The following LACRT variants were observed in gnomAD, a reference collection of about 807,000 sequenced individuals.
LACRT encodes the protein lacritin.
A neutral mutation model predicts 14.5 loss-of-function variants in LACRT; 14 were observed. The ratio of observed to expected loss-of-function variants is 0.96; its 90% confidence interval spans 0.64 to 1.51. LACRT has a LOEUF of 1.51. Ranked by LOEUF, LACRT falls within the 40% of genes most tolerant of loss-of-function variation. The probability of loss-of-function intolerance (pLI) is 0.00; values close to 1 mark genes in which losing one functional copy is unlikely to be tolerated. For synonymous variants in LACRT, 70 were observed against 63.5 expected (o/e 1.10, Z -0.48); for missense variants, 156 against 161.8 (o/e 0.96, Z 0.19).
Position 54,632,015 on chromosome 12 carries a change from G to A in LACRT, c.254-176C>T, listed in dbSNP as rs898393412. ...GGCTCCAGCACTTCTCTCATAGGAA[G>A]TTGTGTGAGCCAGGACAGAAACCAT... On this transcript the variant is annotated intron_variant, in intron 3 of 4. Coordinates refer to ENST00000257867, the MANE Select transcript of LACRT (RefSeq NM_033277.2). 4.5e-6 allele frequency: 3 copies of A among 669,174 alleles called. No individual in the cohort carries two copies. The Admixed American group carries it at 8.7e-5, about 19-fold the overall frequency. The allele number at this position is 669,174 out of a possible 1,614,324, so 41.5% of individuals were successfully genotyped here. A position where few individuals can be genotyped will look rare whatever the true frequency, so the allele number is the denominator to read the frequency against.
At position 54,634,068 on chromosome 12, in the gene LACRT, C is replaced by T. The variant is rs74089714; in HGVS notation, c.58+716G>A. Among the ~76,000 whole-genome samples, 1,313 of 152,166 alleles carry T rather than the reference C, an allele frequency of 8.6e-3. 25 individuals carry two copies. Among genetic ancestry groups the T allele is most frequent in the African/African-American group, 0.029 (1,222 of 41,518 alleles). On this transcript the variant is annotated intron_variant, in intron 1 of 4. Transcript: ENST00000257867. ...TGCTTCTGTGGATCAAAAAAGGCAT[C>T]CCAGCAGGGCACGGTGGCTCACGCC...
At chr12:54,633,850 G>A (rs984376377) in intron 1 of LACRT, among the ~76,000 whole-genome samples, 5 of 152,172 alleles carry the variant, frequency 3.3e-5, no homozygotes, top group African/African-American at 1.2e-4. Flanking sequence ...GATTTGTTCC[G>A]CATGTGCATG....
Position 54,631,722 on chromosome 12 carries a change from C to A in LACRT, c.355+16G>T. ...TATTCTCATTCCCACAAAGCCTTGCCTTGGGATGCACTCACTTTCGATGAA... is the reference window on the plus strand; with the variant it reads ...TATTCTCATTCCCACAAAGCCTTGCATTGGGATGCACTCACTTTCGATGAA... On this transcript the variant is annotated intron_variant, in intron 4 of 4. Transcript: ENST00000257867. The A allele has an allele frequency of 6.3e-7, 1 of 1,588,274 alleles. No individual in the cohort carries two copies. The highest frequency in any genetic ancestry group is 8.6e-7 in the Non-Finnish European group (1 of 1,156,406).
Position 54,630,850 on chromosome 12 carries a change from A to G in LACRT, c.*42T>C. 1 of 1,427,844 alleles carries G rather than the reference A, an allele frequency of 7.0e-7. No individual in the cohort carries two copies. The highest frequency in any genetic ancestry group is 9.9e-7 in the Non-Finnish European group (1 of 1,010,506). 88.4% of individuals were successfully genotyped at this position (1,427,844 alleles called of 1,614,324 possible). A position where few individuals can be genotyped will look rare whatever the true frequency, so the allele number is the denominator to read the frequency against. The stretch of plus-strand genomic sequence containing the variant: ...TTTAATAGCTCTGGGCTACAAGGGT[A>G]TTTAAGGCTTTAAGTCCAATGATCC... On this transcript the variant is annotated 3_prime_UTR_variant, in exon 5 of 5. Transcript: ENST00000257867.
At chr12:54,634,080 C>T (rs1019063933) in intron 1 of LACRT, among the ~76,000 whole-genome samples, 6 of 152,038 alleles carry the variant, frequency 3.9e-5, no homozygotes, top group South Asian at 2.1e-4. Flanking sequence ...CAGCAGGGCA[C>T]GGTGGCTCAC....
At chr12:54,633,951 G>A (rs569890878) in intron 1 of LACRT, among the ~76,000 whole-genome samples, 3 of 152,226 alleles carry the variant, frequency 2.0e-5, no homozygotes, top group Admixed American at 1.3e-4. Flanking sequence ...GGGGGAAGGG[G>A]CCAGGGAGAG....
At chr12:54,632,184 G>C (rs1178395808) in intron 3 of LACRT, 57 bp downstream of exon 3, 59 of 1,597,364 alleles carry the variant, frequency 3.7e-5, no homozygotes, top group Non-Finnish European at 4.8e-5. Context: ...GTGTGATGTG[G>C]GCCTGCAGCC....
intron 1 of LACRT, among the ~76,000 whole-genome samples, chr12:54,634,128 G>A (rs930006408): frequency 6.6e-5 from 10 of 152,038 alleles, no homozygotes; most frequent in Non-Finnish European, 1.2e-4. Context: ...CAAGGCAGTC[G>A]GATCACCTGA....
At chr12:54,632,052 G>C in intron 3 of LACRT, 189 bp downstream of exon 3, 1 of 697,646 alleles carries the variant, frequency 1.4e-6, no homozygotes, top group Non-Finnish European at 2.4e-6. Context: ...TATTGTGCAG[G>C]CTGCAACATC....
Position 54,632,401 on chromosome 12 carries a change from T to C in LACRT, c.113-20A>G. 1.2e-6 allele frequency: 2 copies of C among 1,612,358 alleles called. No homozygotes were observed. The highest frequency in any genetic ancestry group is 1.7e-6 in the Non-Finnish European group (2 of 1,179,058). On this transcript the variant is annotated intron_variant, in intron 2 of 4. Transcript: ENST00000257867. The stretch of plus-strand genomic sequence containing the variant: ...GCTTAGCTGTGAATGCACAAATTGA[T>C]GGATTTTAGCAAAGTGAAAGTGTTT...
chr12:54,630,819 T>C lies in LACRT; in HGVS notation c.*73A>G, dbSNP rs1958147299. On this transcript the variant is annotated 3_prime_UTR_variant, in exon 5 of 5. Transcript: ENST00000257867. The stretch of plus-strand genomic sequence containing the variant: ...CACAGGCACACAGCAAGTTGGATGC[T>C]TTCGTTTTAATAGCTCTGGGCTACA... The C allele has an allele frequency of 2.5e-6, 3 of 1,209,188 alleles. No individual in the cohort carries two copies. Among genetic ancestry groups the C allele is most frequent in the Non-Finnish European group, 3.7e-6 (3 of 816,488 alleles). The allele number at this position is 1,209,188 out of a possible 1,614,324, so 74.9% of individuals were successfully genotyped here.
rs751524176 is a variant in LACRT at position 54,634,810 on chromosome 12, G to A, written c.32C>T (p.Ala11Val). 1.1e-4 allele frequency: 183 copies of A among 1,613,944 alleles called. No individual in the cohort carries two copies. The highest frequency in any genetic ancestry group is 5.1e-4 in the South Asian group (46 of 91,066). MKFTTLLFLA[A>V]VAGALVYAED... The stretch of plus-strand genomic sequence containing the variant: ...AGCATAGACCAGGGCCCCTGCTACA[G>A]CTGCCAAGAAGAGGAGAGTGGTAAA... Residue 11 changes from alanine (A) to valine (V), a missense_variant, in exon 1 of 5, where the codon GCT (alanine) becomes GTT (valine). Transcript: ENST00000257867.
rs1399650853 is a variant in LACRT at position 54,631,733 on chromosome 12, C to T, written c.355+5G>A. ...CCACAAAGCCTTGCCTTGGGATGCA[C>T]TCACTTTCGATGAATTGTTTTCCAC... On this transcript the variant is annotated splice_donor_5th_base_variant and intron_variant, in intron 4 of 4. Transcript: ENST00000257867. 6.2e-7 allele frequency: 1 copy of T among 1,607,278 alleles called. No homozygotes were observed. The highest frequency in any genetic ancestry group is 1.3e-5 in the African/African-American group (1 of 74,774).
chr12:54,633,791 A>C (rs1294497601), intron 1 of LACRT, among the ~76,000 whole-genome samples: 1 of 152,206 alleles, frequency 6.6e-6, no homozygotes, highest in Non-Finnish European at 1.5e-5. Flanking sequence ...CTGGTGTGAC[A>C]GTGCTGGAAG....
rs765684332 is a variant in LACRT, at chr12:54,632,334, G to C, written c.160C>G (p.Pro54Ala). ...TCCTGGGCTGTTGTGGTTGTCTCTGGGGGTGAAGCTGGTTCTGCTGGACCT... is the reference window on the plus strand; with the variant it reads ...TCCTGGGCTGTTGTGGTTGTCTCTGCGGGTGAAGCTGGTTCTGCTGGACCT... ...ISGPAEPASP[P>A]ETTTTAQETS... Residue 54 changes from proline (P) to alanine (A), a missense_variant, in exon 3 of 5, where the codon CCA becomes GCA. By Grantham distance (27) the Pro-to-Ala change is conservative. Coordinates refer to ENST00000257867, the MANE Select transcript of LACRT (RefSeq NM_033277.2). 4 of 1,614,132 alleles carry C rather than the reference G, an allele frequency of 2.5e-6. No individual in the cohort carries two copies. Among genetic ancestry groups the C allele is most frequent in the East Asian group, 4.5e-5 (2 of 44,876 alleles).
At chr12:54,634,694 T>C in intron 1 of LACRT, 90 bp downstream of exon 1, 1 of 1,221,806 alleles carries the variant, frequency 8.2e-7, no homozygotes, top group East Asian at 2.3e-5. Context: ...AGAATAGCAC[T>C]GAGAGAGGAG....
At position 54,634,863 on chromosome 12, in the gene LACRT, A is replaced by G; in HGVS notation, c.-22T>C. The G allele has an allele frequency of 1.3e-6, 2 of 1,595,926 alleles. No homozygotes were observed. Among genetic ancestry groups the G allele is most frequent in the Middle Eastern group, 1.7e-4 (1 of 6,018 alleles). On this transcript the variant is annotated 5_prime_UTR_variant, in exon 1 of 5. Transcript: ENST00000257867. ...TCATTCTTTGGGATGAGGAGTGAGT[A>G]TAACCACAGAATCTGCAGAAGGTCT...
chr12:54,632,112 G>A lies in LACRT; in HGVS notation c.253+129C>T, dbSNP rs139447766. 3.8e-4 allele frequency: 398 copies of A among 1,047,012 alleles called. 3 individuals carry two copies. The African/African-American group carries it at 6.1e-3, about 16-fold the overall frequency. 64.9% of individuals were successfully genotyped at this position (1,047,012 alleles called of 1,614,324 possible). On this transcript the variant is annotated intron_variant, in intron 3 of 4. Transcript: ENST00000257867. ...GGGTGCAATGCACAATCCCATTTGT[G>A]CCTTTGTGTTCAGCTGTTTGAGTCT... is the stretch of plus-strand genomic sequence containing the variant.
chr12:54,633,193 C>T lies in LACRT; in HGVS notation c.99G>A (p.Gln33=), dbSNP rs766451997. 6.2e-6 allele frequency: 10 copies of T among 1,613,856 alleles called. No individual in the cohort carries two copies. The South Asian group carries it at 1.1e-4, about 18-fold the overall frequency. Residue 33 remains glutamine (Q), a synonymous_variant, in exon 2 of 5, where the codon CAG becomes CAA. Transcript: ENST00000257867. ...SSDSTGADPA[Q]EAGTSKPNEE... Reference sequence around the variant, plus strand: ...AGGAGGACTCACAGGTCCCAGCTTCCTGGGCAGGATCAGCACCCGTCGAGT... The same window carrying T: ...AGGAGGACTCACAGGTCCCAGCTTCTTGGGCAGGATCAGCACCCGTCGAGT...
Sources: allele counts gnomAD v4.1 joint callset (sites outside exome capture counted in the v4.1 genomes callset), GRCh38; gene constraint gnomAD v4.1.1; transcripts MANE v1.5; gene names NCBI Gene and HGNC (gene_info 2026-07-23, HGNC 2026-07-21).